Variants in ROBO1 observed in about 807,000 individuals in gnomAD.
ROBO1 encodes roundabout guidance receptor 1.
Under a neutral mutation model 195.9 loss-of-function variants are expected in ROBO1, and 149 were observed. The observed-to-expected ratio is 0.76, with a 90% CI of 0.67 to 0.87. The LOEUF (loss-of-function observed/expected upper bound fraction) is 0.87, where lower values mean the gene tolerates loss of function less well. Among genes scored for constraint, ROBO1 ranks in the 40% least tolerant of loss-of-function variants. ROBO1 has a pLI of 0.00. For missense variants in ROBO1, 1,933 were observed against 2,068.3 expected, an observed-to-expected ratio of 0.93 and a Z score of 1.27; for synonymous variants, 816 against 733.2, an observed-to-expected ratio of 1.11 and a Z score of -1.82.
chr3:79,222,782 A>T (rs1173485598), intron 2 of ROBO1, among the ~76,000 whole-genome samples: 1 of 152,180 alleles, frequency 6.6e-6, no homozygotes, highest in Non-Finnish European at 1.5e-5. Flanking sequence ...TTAGAAAAAT[A>T]CTTGGTTATG....
intron 4 of ROBO1, among the ~76,000 whole-genome samples, chr3:78,879,527 T>TAAA (rs36093275): frequency 6.8e-6 from 1 of 147,306 alleles, no homozygotes; most frequent in Non-Finnish European, 1.5e-5. Flanking sequence ...TTCATTCATT[T>TAAA]AAAAAAAAAA....
chr3:79,422,008 G>T (rs1480134009), intron 2 of ROBO1, among the ~76,000 whole-genome samples: 2 of 151,036 alleles, frequency 1.3e-5, no homozygotes, highest in East Asian at 1.9e-4. Context: ...GATTTATTCA[G>T]GGATAGTTGT....
intron 1 of ROBO1, among the ~76,000 whole-genome samples, chr3:79,628,624 T>C (rs1945252959): frequency 6.6e-6 from 1 of 151,998 alleles, no homozygotes; most frequent in Admixed American, 6.6e-5. Context: ...AAAAATAGAA[T>C]AAAAATAAAA....
intron 2 of ROBO1, among the ~76,000 whole-genome samples, chr3:79,440,555 G>C (rs555588419): frequency 5.3e-5 from 8 of 152,250 alleles, no homozygotes; most frequent in African/African-American, 1.9e-4. Context: ...AACCAGGATA[G>C]TCCTTGTCCT....
intron 4 of ROBO1, among the ~76,000 whole-genome samples, chr3:78,846,002 T>C (rs1223530617): frequency 6.6e-6 from 1 of 152,152 alleles, no homozygotes; most frequent in Non-Finnish European, 1.5e-5. Flanking sequence ...TGGTTTATTT[T>C]TATATAACAT....
Position 78,668,239 on chromosome 3 carries a change from G to A in ROBO1, c.1694C>T (p.Ser565Leu), listed in dbSNP as rs1031450491. 6.2e-7 allele frequency: 1 copy of A among 1,613,918 alleles called. No homozygotes were observed. The highest frequency in any genetic ancestry group is 8.5e-7 in the Non-Finnish European group (1 of 1,179,838). Residue 565 changes from serine (S) to leucine (L), a missense_variant, in exon 13 of 31, where the codon TCA becomes TTA. Transcript: ENST00000464233. The part of the protein sequence containing the change: ...TDPNLIPSAP[S>L]KPEVTDVSRN... ...GCTGACATCTGTCACTTCAGGTTTT[G>A]ATGGGGCACTAGGGATTAAATTTGG...
At chr3:79,382,853 G>A (rs562564365) in intron 2 of ROBO1, among the ~76,000 whole-genome samples, 81 of 152,158 alleles carry the variant, frequency 5.3e-4, no homozygotes, top group African/African-American at 1.7e-3. Context: ...AGGTGGTGAG[G>A]CACATATTTA....
intron 2 of ROBO1, among the ~76,000 whole-genome samples, chr3:79,243,710 A>G (rs2082567756): frequency 6.6e-6 from 1 of 152,118 alleles, no homozygotes; most frequent in South Asian, 2.1e-4. Flanking sequence ...GTTTGAGTTC[A>G]TCGTAGATTC....
At chr3:79,160,989 CAT>C (rs1436900280) in intron 2 of ROBO1, among the ~76,000 whole-genome samples, 2 of 151,976 alleles carry the variant, frequency 1.3e-5, no homozygotes, top group East Asian at 1.9e-4. Context: ...GTTTAATAAT[CAT>C]ATGTCATTCT....
intron 2 of ROBO1, among the ~76,000 whole-genome samples, chr3:79,275,580 AT>A (rs1211111010): frequency 5.3e-5 from 8 of 152,008 alleles, no homozygotes; most frequent in Non-Finnish European, 8.8e-5. Flanking sequence ...CATGACAAGG[AT>A]GCCCACTTTC....
chr3:78,815,019 C>T (rs539609514), intron 4 of ROBO1, among the ~76,000 whole-genome samples: 3 of 152,002 alleles, frequency 2.0e-5, no homozygotes, highest in Non-Finnish European at 4.4e-5. Context: ...TGGGATGTGA[C>T]GAATCACAAC....
chr3:79,060,242 C>T (rs1157201167), intron 3 of ROBO1, among the ~76,000 whole-genome samples: 2 of 151,928 alleles, frequency 1.3e-5, no homozygotes, highest in Non-Finnish European at 2.9e-5. Flanking sequence ...TTATCAATGA[C>T]AATGTGTGCC....
At chr3:79,717,584 C>T (rs1045627489) in intron 1 of ROBO1, among the ~76,000 whole-genome samples, 14 of 151,828 alleles carry the variant, frequency 9.2e-5, no homozygotes, top group Non-Finnish European at 2.1e-4. Context: ...CATCATTTTC[C>T]CCAAATGTTT....
At chr3:79,669,507 A>G (rs937800444) in intron 1 of ROBO1, among the ~76,000 whole-genome samples, 8 of 151,928 alleles carry the variant, frequency 5.3e-5, no homozygotes, top group Non-Finnish European at 1.2e-4. Flanking sequence ...ATTATTGCCT[A>G]CAGTATTTAG....
chr3:79,556,203 A>G (rs530517622), intron 2 of ROBO1, among the ~76,000 whole-genome samples: 1 of 152,198 alleles, frequency 6.6e-6, no homozygotes, highest in African/African-American at 2.4e-5. Flanking sequence ...ATTTCATCAA[A>G]TCTAAGTTAT....
At chr3:79,607,980 C>T (rs983186157) in intron 1 of ROBO1, among the ~76,000 whole-genome samples, 2 of 151,928 alleles carry the variant, frequency 1.3e-5, no homozygotes, top group African/African-American at 4.8e-5. Flanking sequence ...AGCTAAATCA[C>T]GTTTATGCTG....
At chr3:78,614,287 TGAA>T (rs1317367853) in intron 28 of ROBO1, among the ~76,000 whole-genome samples, 2 of 152,286 alleles carry the variant, frequency 1.3e-5, no homozygotes, top group Non-Finnish European at 2.9e-5. Flanking sequence ...AATAAAAAAA[TGAA>T]GACACTTTGG....
At chr3:79,477,740 C>G (rs1350970585) in intron 2 of ROBO1, among the ~76,000 whole-genome samples, 3 of 151,996 alleles carry the variant, frequency 2.0e-5, no homozygotes, top group Admixed American at 6.6e-5. Flanking sequence ...TCTAAATAAC[C>G]AGACAACTTT....
chr3:79,369,833 T>C (rs1166721123), intron 2 of ROBO1, among the ~76,000 whole-genome samples: 2 of 152,160 alleles, frequency 1.3e-5, no homozygotes, highest in Admixed American at 1.3e-4. Context: ...AACTGATTCC[T>C]TCAAGAATAA....
Sources: allele counts gnomAD v4.1 joint callset (sites outside exome capture counted in the v4.1 genomes callset), GRCh38; gene constraint gnomAD v4.1.1; transcripts MANE v1.5; gene names NCBI Gene and HGNC (gene_info 2026-07-23, HGNC 2026-07-21).